TSPAN4: variants seen among roughly 807,000 people sequenced by gnomAD.
TSPAN4 encodes tetraspanin-4.
In TSPAN4, 38 loss-of-function variants were observed where a neutral mutation model predicts 31.5. The observed-to-expected ratio is 1.21, with a 90% CI of 0.93 to 1.58. The LOEUF is 1.58. Ranked by LOEUF, TSPAN4 falls within the 40% of genes most tolerant of loss-of-function variation. TSPAN4 has a pLI of 0.00. For synonymous variants in TSPAN4, 186 were observed against 144.6 expected, an observed-to-expected ratio of 1.29 and a Z score of -2.06; for missense variants, 330 against 317.3, an observed-to-expected ratio of 1.04 and a Z score of -0.30.
At chr11:843,898 G>T (rs1013483960) in intron 1 of TSPAN4, among the ~76,000 whole-genome samples, 1 of 152,184 alleles carries the variant, frequency 6.6e-6, no homozygotes, top group Non-Finnish European at 1.5e-5. Flanking sequence ...GGAGGAGGAC[G>T]AAGGGTTTTC....
chr11:847,707 T>C (rs1847399071), intron 2 of TSPAN4, among the ~76,000 whole-genome samples: 1 of 151,060 alleles, frequency 6.6e-6, no homozygotes, highest in Non-Finnish European at 1.5e-5. Context: ...GGGCGATGTG[T>C]GCAGAGCTTT....
At chr11:849,689 C>G (rs1480162331) in intron 2 of TSPAN4, 2 of 149,490 alleles carry the variant, frequency 1.3e-5, no homozygotes, top group Admixed American at 6.6e-5. Flanking sequence ...GGTGCGTTGC[C>G]GGGGGCTGCG....
intron 8 of TSPAN4, 58 bp from the exon 9 acceptor site, chr11:866,504 G>A: frequency 6.4e-7 from 1 of 1,560,082 alleles, no homozygotes; most frequent in Non-Finnish European, 8.8e-7. Context: ...GGACTGCTCT[G>A]GGCTTGAGGC....
chr11:862,296 C>T, intron 3 of TSPAN4: 1 of 535,004 alleles, frequency 1.9e-6, no homozygotes, highest in Non-Finnish European at 3.3e-6. Flanking sequence ...GGTTCAGAGG[C>T]ACAAGGGAGC....
chr11:866,040 T>C (rs375964892), intron 8 of TSPAN4, 39 bp downstream of exon 8: 11 of 1,602,298 alleles, frequency 6.9e-6, no homozygotes, highest in South Asian at 1.1e-5. Context: ...GCCCCCACTT[T>C]GTTAGGACCT....
chr11:866,581 C>T lies in TSPAN4; in HGVS notation c.668C>T (p.Ala223Val). The T allele has an allele frequency of 6.2e-7, 1 of 1,613,524 alleles. No homozygotes were observed. Among genetic ancestry groups the T allele is most frequent in the Non-Finnish European group, 8.5e-7 (1 of 1,179,836 alleles). ...ALVQILGLTF[A>V]MTMYCQVVKA... ...CTACAGATCCTGGGCCTGACCTTCGCCATGACCATGTACTGCCAAGTGGTC... is the reference window on the plus strand; with the variant it reads ...CTACAGATCCTGGGCCTGACCTTCGTCATGACCATGTACTGCCAAGTGGTC... Residue 223 changes from alanine (A) to valine (V), a missense_variant, in exon 9 of 9, where the codon GCC (alanine) becomes GTC (valine). Coordinates refer to ENST00000397397, the MANE Select transcript of TSPAN4 (RefSeq NM_003271.5).
At position 865,932 on chromosome 11, in the gene TSPAN4, G is replaced by A. The variant is rs755742947; in HGVS notation, c.579G>A (p.Thr193=). The change falls in exon 8 of 9, where the codon ACG becomes ACA. Residue 193 remains threonine (T), a synonymous_variant. Transcript: ENST00000397397. ...CCTCCCTGCAGCCGTGCTACGAGAC[G>A]GTGAAGGTGTGGCTTCAGGAGAACC... is the stretch of plus-strand genomic sequence containing the variant. ...GTWWKAPCYE[T]VKVWLQENLL... 11 of 1,613,122 alleles carry A rather than the reference G, an allele frequency of 6.8e-6. No homozygotes were observed. In the East Asian group the frequency reaches 1.3e-4, roughly 20 times the overall value.
chr11:846,875 C>T (rs2133985511), intron 1 of TSPAN4, among the ~76,000 whole-genome samples: 1 of 152,308 alleles, frequency 6.6e-6, no homozygotes, highest in Admixed American at 6.5e-5. Context: ...CATGTCCGTG[C>T]TGTGAGTACG....
chr11:848,546 G>A lies in TSPAN4; in HGVS notation c.-18+1246G>A, dbSNP rs28664926. Among the ~76,000 whole-genome samples, 150,803 of 152,192 alleles carry A rather than the reference G, an allele frequency of 0.99. 74,729 individuals carry two copies. The highest frequency in any genetic ancestry group is 1 in the Middle Eastern group (294 of 294). On this transcript the variant is annotated intron_variant, in intron 2 of 8. Coordinates refer to ENST00000397397, the MANE Select transcript of TSPAN4 (RefSeq NM_003271.5). This position sits in a 1 kb window ranked among gnomAD's most constrained non-coding sequence, Gnocchi z 5.7. ...GGGCAGAGCTGCGGGACCTCCCTGG[G>A]CACCCGGGGCTTCCACGGCAGCCCT...
chr11:853,747 T>TA (rs1227719578), intron 3 of TSPAN4, among the ~76,000 whole-genome samples: 2 of 152,098 alleles, frequency 1.3e-5, no homozygotes, highest in Non-Finnish European at 2.9e-5. Flanking sequence ...CTTCAGCAAA[T>TA]AGAGGCCCTC....
intron 1 of TSPAN4, among the ~76,000 whole-genome samples, chr11:845,742 G>A (rs1847283254): frequency 6.6e-6 from 1 of 152,144 alleles, no homozygotes; most frequent in African/African-American, 2.4e-5. Flanking sequence ...GGATTACAGG[G>A]AAGGCCTGGA....
chr11:857,574 T>C (rs1047020900), intron 3 of TSPAN4: 3 of 152,168 alleles, frequency 2.0e-5, no homozygotes. Context: ...AGCTAATTTT[T>C]TGTATTTTTT....
intron 3 of TSPAN4, among the ~76,000 whole-genome samples, chr11:853,464 C>A (rs1485737240): frequency 1.3e-5 from 2 of 152,058 alleles, no homozygotes; most frequent in South Asian, 4.2e-4. Flanking sequence ...GAGGGGCTCG[C>A]TCCAGAAGGC....
At chr11:854,959 G>A (rs1433041968) in intron 3 of TSPAN4, among the ~76,000 whole-genome samples, 1 of 152,238 alleles carries the variant, frequency 6.6e-6, no homozygotes, top group Non-Finnish European at 1.5e-5. Context: ...CTGAACAAAG[G>A]CCCTGACGCT....
intron 3 of TSPAN4, among the ~76,000 whole-genome samples, chr11:850,793 A>G (rs575267926): frequency 6.6e-6 from 1 of 152,236 alleles, no homozygotes; most frequent in African/African-American, 2.4e-5. Flanking sequence ...TGCAGCCGTT[A>G]TCCTTGCCTC....
At chr11:861,201 T>A (rs1019896854) in intron 3 of TSPAN4, among the ~76,000 whole-genome samples, 1 of 152,152 alleles carries the variant, frequency 6.6e-6, no homozygotes, top group Non-Finnish European at 1.5e-5. Flanking sequence ...GAACAAGCAC[T>A]TAGGAAACAC....
In TSPAN4 at chr11:866,862, A is replaced by C. The variant is rs1848884113; in HGVS notation, c.*232A>C. The C allele has an allele frequency of 8.0e-6, 4 of 499,536 alleles. No homozygotes were observed. The highest frequency in any genetic ancestry group is 1.4e-5 in the Non-Finnish European group (4 of 280,594). The allele number at this position is 499,536 out of a possible 1,614,324, so 30.9% of individuals were successfully genotyped here. ...TGGCCACGTGCTGGCTGCGGAACCCAGGGCAGGGGTGGGAGGGGCCTCCAG... is the reference window on the plus strand; with the variant it reads ...TGGCCACGTGCTGGCTGCGGAACCCCGGGCAGGGGTGGGAGGGGCCTCCAG... On this transcript the variant is annotated 3_prime_UTR_variant, in exon 9 of 9. Coordinates refer to ENST00000397397, the MANE Select transcript of TSPAN4 (RefSeq NM_003271.5).
intron 1 of TSPAN4, among the ~76,000 whole-genome samples, chr11:846,854 C>T (rs897358923): frequency 6.6e-6 from 1 of 152,196 alleles, no homozygotes; most frequent in Non-Finnish European, 1.5e-5. Flanking sequence ...GTGTCTTGGC[C>T]TGTGTCTCTG....
At chr11:843,254 T>TA (rs1847072352) in intron 1 of TSPAN4, 1 of 152,106 alleles carries the variant, frequency 6.6e-6, no homozygotes, top group African/African-American at 2.4e-5. Context: ...GCTGCGCAAT[T>TA]ACAGCCCCCG....
Sources: allele counts gnomAD v4.1 joint callset (sites outside exome capture counted in the v4.1 genomes callset), GRCh38; gene constraint gnomAD v4.1.1; non-coding constraint Gnocchi (gnomAD v3.1); transcripts MANE v1.5; gene names NCBI Gene and HGNC (gene_info 2026-07-23, HGNC 2026-07-21).